Variants in SLIT2 observed in about 807,000 individuals in gnomAD.
SLIT2 encodes the protein slit homolog 2 protein.
SLIT2 carries 41 observed loss-of-function variants against 185.7 expected under a neutral mutation model. The observed-to-expected ratio is 0.22, with a 90% CI of 0.17 to 0.29. The LOEUF is 0.29. Ranked by LOEUF, SLIT2 falls within the 10% of genes least tolerant of loss-of-function variation. The pLI is 1.00. For synonymous variants in SLIT2, 693 were observed against 680.2 expected, an observed-to-expected ratio of 1.02 and a Z score of -0.29; for missense variants, 1,571 against 1,909.0, an observed-to-expected ratio of 0.82 and a Z score of 3.30.
At chr4:20,312,789 A>AGG (rs1403853486) in intron 4 of SLIT2, among the ~76,000 whole-genome samples, 35 of 150,654 alleles carry the variant, frequency 2.3e-4, no homozygotes, top group Non-Finnish European at 3.0e-4. Context: ...AAAAAAAAAA[A>AGG]AAAAGAAAGA....
At chr4:20,539,395 T>C in intron 18 of SLIT2, 46 bp from the exon 19 acceptor site, 1 of 1,562,828 alleles carries the variant, frequency 6.4e-7, no homozygotes, top group Non-Finnish European at 8.7e-7. Flanking sequence ...CAAAATTGAT[T>C]GCCTGATGCT....
chr4:20,619,066 G>T lies in SLIT2; in HGVS notation c.*57G>T. 1 of 1,529,892 alleles carries T rather than the reference G, an allele frequency of 6.5e-7. No individual in the cohort carries two copies. Among genetic ancestry groups the T allele is most frequent in the East Asian group, 2.3e-5 (1 of 43,732 alleles). The allele number at this position is 1,529,892 out of a possible 1,614,324, so 94.8% of individuals were successfully genotyped here. ...GGTTGTATACTTCTTGACCGTGTGG[G>T]ACTAATGAATGCTTCATAGTGGAAA... On this transcript the variant is annotated 3_prime_UTR_variant, in exon 37 of 37. Transcript: ENST00000504154.
rs1479438161 is a variant in SLIT2, at chr4:20,511,125, C to G, written c.1046C>G (p.Ser349Cys). 6.3e-7 allele frequency: 1 copy of G among 1,595,692 alleles called. No individual in the cohort carries two copies. The highest frequency in any genetic ancestry group is 8.6e-7 in the Non-Finnish European group (1 of 1,165,314). ...CCAGATGCTTTCCAAGGACTACGCTCTCTGAATTCACTGTAAGTATTCACT... is the reference window on the plus strand; with the variant it reads ...CCAGATGCTTTCCAAGGACTACGCTGTCTGAATTCACTGTAAGTATTCACT... ...LAPDAFQGLR[S>C]LNSLVLYGNK... Residue 349 changes from serine (S) to cysteine (C), a missense_variant, in exon 11 of 37, where the codon TCT becomes TGT. Ser to Cys is a moderately radical substitution (Grantham distance 112). Coordinates refer to ENST00000504154, the MANE Select transcript of SLIT2 (RefSeq NM_004787.4).
chr4:20,360,940 A>G (rs1306408228), intron 4 of SLIT2, among the ~76,000 whole-genome samples: 4 of 152,192 alleles, frequency 2.6e-5, no homozygotes, highest in African/African-American at 4.8e-5. Flanking sequence ...TTGTTTTGCA[A>G]ACAAACAAAT....
intron 4 of SLIT2, among the ~76,000 whole-genome samples, chr4:20,348,563 A>G (rs1721625128): frequency 6.6e-6 from 1 of 152,054 alleles, no homozygotes; most frequent in Non-Finnish European, 1.5e-5. Context: ...TCACATTTTT[A>G]GCAAGCTTCC....
intron 4 of SLIT2, among the ~76,000 whole-genome samples, chr4:20,454,303 A>G (rs1188766608): frequency 2.0e-5 from 3 of 152,142 alleles, no homozygotes; most frequent in Non-Finnish European, 4.4e-5. Context: ...TTTCTAACAC[A>G]TACTGTTATT....
intron 12 of SLIT2, among the ~76,000 whole-genome samples, chr4:20,520,346 C>A (rs974212732): frequency 6.6e-6 from 1 of 152,168 alleles, no homozygotes; most frequent in Non-Finnish European, 1.5e-5. Flanking sequence ...GAAAAAAATG[C>A]AAATATTAAA....
chr4:20,301,874 G>A (rs1413155677), intron 4 of SLIT2, among the ~76,000 whole-genome samples: 1 of 152,050 alleles, frequency 6.6e-6, no homozygotes, highest in Non-Finnish European at 1.5e-5. Flanking sequence ...ACAGTGATCG[G>A]GCTAAATGTT....
intron 24 of SLIT2, 24 bp downstream of exon 24, chr4:20,549,152 A>C: frequency 7.0e-7 from 1 of 1,421,116 alleles, no homozygotes; most frequent in Admixed American, 1.7e-5. Context: ...GTTCAACAGA[A>C]TATCTCTTTT....
chr4:20,305,379 T>C (rs1717445080), intron 4 of SLIT2, among the ~76,000 whole-genome samples: 1 of 152,150 alleles, frequency 6.6e-6, no homozygotes, highest in African/African-American at 2.4e-5. Flanking sequence ...AAACTGAAAT[T>C]AATGAACAAA....
chr4:20,485,906 T>C (rs76861387), intron 6 of SLIT2, among the ~76,000 whole-genome samples: 14,116 of 152,170 alleles, frequency 0.093, 743 homozygotes, highest in Middle Eastern at 0.15. Context: ...TTAACCAATA[T>C]CCTAAATAGA....
chr4:20,592,171 A>T (rs1727566602), intron 30 of SLIT2, among the ~76,000 whole-genome samples: 1 of 152,192 alleles, frequency 6.6e-6, no homozygotes, highest in African/African-American at 2.4e-5. Flanking sequence ...TGTTTAGACA[A>T]GTTATGCTAT....
chr4:20,329,592 G>A (rs955066747), intron 4 of SLIT2, among the ~76,000 whole-genome samples: 2 of 151,942 alleles, frequency 1.3e-5, no homozygotes, highest in African/African-American at 2.4e-5. Context: ...TAAAATCATA[G>A]GACTAGAGTC....
At chr4:20,342,433 G>A (rs1246019440) in intron 4 of SLIT2, among the ~76,000 whole-genome samples, 6 of 151,862 alleles carry the variant, frequency 4.0e-5, no homozygotes, top group Non-Finnish European at 8.8e-5. Context: ...ATGCTAACAG[G>A]GTTTTACCAC....
At chr4:20,375,513 G>A (rs148560467) in intron 4 of SLIT2, among the ~76,000 whole-genome samples, 47 of 152,076 alleles carry the variant, frequency 3.1e-4, no homozygotes, top group Middle Eastern at 6.8e-3. Context: ...TATCTAAGTC[G>A]TATCACTTGA....
At chr4:20,550,125 C>T (rs1246558278) in intron 24 of SLIT2, among the ~76,000 whole-genome samples, 1 of 152,070 alleles carries the variant, frequency 6.6e-6, no homozygotes, top group Non-Finnish European at 1.5e-5. Flanking sequence ...CTTGCAAACA[C>T]TGAATATTAT....
At chr4:20,618,521 T>G (rs1170663193) in intron 36 of SLIT2, among the ~76,000 whole-genome samples, 3 of 152,180 alleles carry the variant, frequency 2.0e-5, no homozygotes, top group African/African-American at 7.2e-5. Context: ...TATTTAGGAA[T>G]CCAATTTTCT....
chr4:20,477,903 G>C (rs1716289620), intron 5 of SLIT2, among the ~76,000 whole-genome samples: 1 of 152,180 alleles, frequency 6.6e-6, no homozygotes, highest in Non-Finnish European at 1.5e-5. Flanking sequence ...GTCACTAAAG[G>C]TATGGCAGAG....
chr4:20,261,657 A>G (rs927603627), intron 3 of SLIT2, among the ~76,000 whole-genome samples: 9 of 151,990 alleles, frequency 5.9e-5, no homozygotes, highest in African/African-American at 2.2e-4. Flanking sequence ...CAAAAGTATG[A>G]GAAAGTTTTT....
Sources: gnomAD v4.1 joint callset for allele counts (sites outside exome capture counted in the v4.1 genomes callset) on GRCh38, gnomAD v4.1.1 for gene constraint, MANE v1.5 for transcripts, NCBI Gene and HGNC (gene_info 2026-07-23, HGNC 2026-07-21) for gene names.